Variants in PRMT9 observed in about 807,000 individuals in gnomAD.
PRMT9 encodes the protein protein arginine N-methyltransferase 9.
In PRMT9, 59 loss-of-function variants were observed where a neutral mutation model predicts 83.2. That is an observed-to-expected ratio of 0.71 (90% CI 0.57 to 0.88). The LOEUF (loss-of-function observed/expected upper bound fraction) is 0.88, where lower values mean the gene tolerates loss of function less well. Ranked by LOEUF, PRMT9 falls within the 40% of genes least tolerant of loss-of-function variation. The pLI is 0.00. For synonymous variants in PRMT9, 333 were observed against 353.2 expected (o/e 0.94, Z 0.64); for missense variants, 947 against 1,021.9 (o/e 0.93, Z 1.00).
At chr4:147,653,598 A>G (rs1734269619) in intron 9 of PRMT9, among the ~76,000 whole-genome samples, 1 of 152,154 alleles carries the variant, frequency 6.6e-6, no homozygotes, top group Non-Finnish European at 1.5e-5. Flanking sequence ...GTTGCACCAA[A>G]GTAAGAACAT....
chr4:147,660,294 C>T (rs376984456), intron 7 of PRMT9, among the ~76,000 whole-genome samples: 1 of 152,104 alleles, frequency 6.6e-6, no homozygotes, highest in South Asian at 2.1e-4. Flanking sequence ...GCACCTGGCA[C>T]CCTATATATT....
At chr4:147,659,856 C>A (rs1050915341) in intron 7 of PRMT9, among the ~76,000 whole-genome samples, 1 of 152,126 alleles carries the variant, frequency 6.6e-6, no homozygotes, top group Admixed American at 6.5e-5. Flanking sequence ...GCTGGGAGGA[C>A]AGGCATGAGC....
chr4:147,665,620 C>G (rs185975055), intron 6 of PRMT9, among the ~76,000 whole-genome samples: 22 of 152,290 alleles, frequency 1.4e-4, no homozygotes, highest in African/African-American at 5.1e-4. Flanking sequence ...GTACTGGAAT[C>G]AGCCATTGCT....
At chr4:147,667,711 A>C (rs1264932409) in intron 6 of PRMT9, among the ~76,000 whole-genome samples, 1 of 152,176 alleles carries the variant, frequency 6.6e-6, no homozygotes, top group Non-Finnish European at 1.5e-5. Flanking sequence ...TACATTTACG[A>C]TTAAGTTATT....
intron 10 of PRMT9, among the ~76,000 whole-genome samples, chr4:147,641,681 T>C (rs1420643335): frequency 6.6e-6 from 1 of 152,088 alleles, no homozygotes; most frequent in Non-Finnish European, 1.5e-5. Context: ...AGACATTCAG[T>C]AAAAATTTGT....
intron 10 of PRMT9, among the ~76,000 whole-genome samples, chr4:147,640,072 TTTTTTTTTTTTTTTTTTTAA>T (rs1454672357): frequency 4.6e-5 from 4 of 87,360 alleles, no homozygotes; most frequent in Admixed American, 1.1e-4. Flanking sequence ...TTTTTTTTTT[TTTTTTTTTTTTTTTTTTTAA>T]TATAGGGTCT....
chr4:147,649,695 G>A (rs184977075), intron 9 of PRMT9, among the ~76,000 whole-genome samples: 196 of 152,244 alleles, frequency 1.3e-3, no homozygotes, highest in Middle Eastern at 3.4e-3. Context: ...AGTAGAAACG[G>A]GGTTTCTCCA....
chr4:147,683,968 C>G lies in PRMT9; in HGVS notation c.20G>C (p.Arg7Thr). The G allele has an allele frequency of 5.6e-6, 9 of 1,612,896 alleles. No homozygotes were observed. The highest frequency in any genetic ancestry group is 7.6e-6 in the Non-Finnish European group (9 of 1,179,690). Reference sequence around the variant, plus strand: ...GCCACCCCCGGCGTCTCGGCGGGACCTGGGCCGCGAGTTCGACATGGCAGT... The same window carrying G: ...GCCACCCCCGGCGTCTCGGCGGGACGTGGGCCGCGAGTTCGACATGGCAGT... MSNSRP[R>T]SRRDAGGGAG... Residue 7 changes from arginine (R) to threonine (T), a missense_variant, in exon 1 of 12, where the codon AGG becomes ACG. Physicochemically the swap from Arg to Thr is moderately conservative, Grantham distance 71. Coordinates refer to ENST00000322396, the MANE Select transcript of PRMT9 (RefSeq NM_138364.4).
In PRMT9 at chr4:147,660,995, C is replaced by T; in HGVS notation, c.997G>A (p.Val333Met). Residue 333 changes from valine to methionine, a missense_variant, in exon 7 of 12, where the codon GTG becomes ATG. Transcript: ENST00000322396. ...DIAGIHLPTN[V>M]KFQSPAYSSV... ...GAATAAGCCGGACTCTGAAATTTCACATTTGTTGGCAAATGGATACCAGCA... is the reference window on the plus strand; with the variant it reads ...GAATAAGCCGGACTCTGAAATTTCATATTTGTTGGCAAATGGATACCAGCA... 1 of 1,613,300 alleles carries T rather than the reference C, an allele frequency of 6.2e-7. No homozygotes were observed.
intron 4 of PRMT9, 87 bp downstream of exon 4, chr4:147,672,872 T>G: frequency 9.2e-7 from 1 of 1,090,166 alleles, no homozygotes; most frequent in Non-Finnish European, 1.4e-6. Flanking sequence ...TTTTGTAGCA[T>G]TTTGTTTGGA....
chr4:147,640,589 T>G (rs884761), intron 10 of PRMT9, among the ~76,000 whole-genome samples: 131,255 of 152,086 alleles, frequency 0.86, 58,826 homozygotes, highest in Non-Finnish European at 0.98. Flanking sequence ...AATTGCTCAG[T>G]GACCACAGCT....
intron 7 of PRMT9, 115 bp downstream of exon 7, chr4:147,660,731 T>C (rs1225541088): frequency 3.0e-6 from 2 of 671,204 alleles, no homozygotes; most frequent in South Asian, 3.8e-5. Flanking sequence ...TTTCTTTACA[T>C]ACAATAAGTG....
intron 1 of PRMT9, among the ~76,000 whole-genome samples, chr4:147,681,910 C>A (rs1736494925): frequency 6.6e-6 from 1 of 152,086 alleles, no homozygotes; most frequent in Admixed American, 6.5e-5. Context: ...TTACAGGGGG[C>A]CCATACAAAC....
intron 8 of PRMT9, among the ~76,000 whole-genome samples, chr4:147,656,440 T>C (rs1734492363): frequency 6.6e-6 from 1 of 151,904 alleles, no homozygotes; most frequent in African/African-American, 2.4e-5. Flanking sequence ...CTACAAGCAC[T>C]TGCCACCATC....
At position 147,673,701 on chromosome 4, in the gene PRMT9, T is replaced by C. The variant is rs1419188213; in HGVS notation, c.512A>G (p.Gln171Arg). Residue 171 changes from glutamine to arginine, a missense_variant, in exon 3 of 12, where the codon CAA (glutamine) becomes CGA (arginine). By Grantham distance (43) the Gln-to-Arg change is conservative (BLOSUM62 1). Transcript: ENST00000322396. ...TTTGGACCCCAAACAAACTGCCTTTTGGATTGCTGCATTATAAATTGTATT... is the reference window on the plus strand; with the variant it reads ...TTTGGACCCCAAACAAACTGCCTTTCGGATTGCTGCATTATAAATTGTATT... Reference protein sequence around the residue: ...KRNTIYNAAIQKAVCLGSKSV... With the variant: ...KRNTIYNAAIRKAVCLGSKSV... The C allele has an allele frequency of 3.7e-6, 6 of 1,614,170 alleles. 1 individual carries two copies. In the Middle Eastern group the frequency reaches 8.2e-4, roughly 222 times the overall value.
At position 147,670,673 on chromosome 4, in the gene PRMT9, G is replaced by A. The variant is rs1283295022; in HGVS notation, c.814C>T (p.His272Tyr). The A allele has an allele frequency of 7.4e-6, 12 of 1,613,078 alleles. No individual in the cohort carries two copies. Among genetic ancestry groups the A allele is most frequent in the Non-Finnish European group, 1.0e-5 (12 of 1,179,192 alleles). Residue 272 changes from histidine to tyrosine, a missense_variant, in exon 5 of 12, where the codon CAT (histidine) becomes TAT (tyrosine). Coordinates refer to ENST00000322396, the MANE Select transcript of PRMT9 (RefSeq NM_138364.4). ...TGTAAAAGTAAATGCTCCCATGCAT[G>A]AATCAAACTCTCCACAATTCCTTCT... ...FGEGIVESLI[H>Y]AWEHLLLQPK...
chr4:147,665,012 T>C (rs1735227066), intron 6 of PRMT9, among the ~76,000 whole-genome samples: 1 of 151,190 alleles, frequency 6.6e-6, no homozygotes, highest in Non-Finnish European at 1.5e-5. Context: ...TCCCAGCTAC[T>C]TGGGAGGCTG....
At chr4:147,677,445 ATTTTTTTTTTTTTT>A (rs11321232) in intron 2 of PRMT9, among the ~76,000 whole-genome samples, 2 of 70,778 alleles carry the variant, frequency 2.8e-5, no homozygotes, top group African/African-American at 9.8e-5. Flanking sequence ...GACAGGTAGA[ATTTTTTTTTTTTTT>A]TTTTTTTTTT....
intron 1 of PRMT9, among the ~76,000 whole-genome samples, chr4:147,680,681 T>A (rs1736405519): frequency 6.6e-6 from 1 of 152,218 alleles, no homozygotes; most frequent in African/African-American, 2.4e-5. Context: ...GCAGAATTAG[T>A]CTGACCACTC....
Sources: gnomAD v4.1 joint callset for allele counts (sites outside exome capture counted in the v4.1 genomes callset) on GRCh38, gnomAD v4.1.1 for gene constraint, MANE v1.5 for transcripts, NCBI Gene and HGNC (gene_info 2026-07-23, HGNC 2026-07-21) for gene names.